The following CACNA1C variants were observed in gnomAD, a reference collection of about 807,000 sequenced individuals.
The protein encoded by CACNA1C is calcium voltage-gated channel subunit alpha1 C, also known as voltage-dependent L-type calcium channel subunit alpha-1C.
Under a neutral mutation model 229.0 loss-of-function variants are expected in CACNA1C, and 30 were observed. That is an observed-to-expected ratio of 0.13 (90% confidence interval 0.10 to 0.18). The LOEUF (loss-of-function observed/expected upper bound fraction) is 0.18, where lower values mean the gene tolerates loss of function less well. Ranked by LOEUF, CACNA1C falls within the 10% of genes least tolerant of loss-of-function variation. The pLI, the probability that CACNA1C is intolerant of heterozygous loss-of-function variation, is 1.00. For missense variants in CACNA1C, 1,658 were observed against 2,845.0 expected (o/e 0.58, Z 9.49); for synonymous variants, 1,114 against 1,132.5 (o/e 0.98, Z 0.33).
At chr12:2,236,319 A>C (rs142326473) in intron 3 of CACNA1C, among the ~76,000 whole-genome samples, 1 of 152,180 alleles carries the variant, frequency 6.6e-6, no homozygotes, top group South Asian at 2.1e-4. Context: ...TGGTCCACAC[A>C]TTGAGCAGCA....
chr12:2,128,623 G>A (rs1265647697), intron 3 of CACNA1C, among the ~76,000 whole-genome samples: 1 of 152,112 alleles, frequency 6.6e-6, no homozygotes, highest in Non-Finnish European at 1.5e-5. Flanking sequence ...GTGTTAGTCA[G>A]GATGGTCTCG....
chr12:2,445,104 C>G (rs1567718717), intron 3 of CACNA1C, among the ~76,000 whole-genome samples: 1 of 152,198 alleles, frequency 6.6e-6, no homozygotes, highest in African/African-American at 2.4e-5. Context: ...TCCATACTTC[C>G]CATCTTCTTA....
At chr12:2,253,799 A>G (rs951595965) in intron 3 of CACNA1C, among the ~76,000 whole-genome samples, 1 of 152,216 alleles carries the variant, frequency 6.6e-6, no homozygotes, top group African/African-American at 2.4e-5. Flanking sequence ...TATGCCTCTC[A>G]TGTTGCAATG....
intron 21 of CACNA1C, among the ~76,000 whole-genome samples, chr12:2,598,276 T>C (rs1416190182): frequency 6.6e-6 from 1 of 152,116 alleles, no homozygotes; most frequent in Non-Finnish European, 1.5e-5. Flanking sequence ...CTGGCCCAGC[T>C]CAGTTCTGCT....
chr12:2,589,055 T>C (rs1402450306), intron 18 of CACNA1C, among the ~76,000 whole-genome samples: 1 of 152,132 alleles, frequency 6.6e-6, no homozygotes, highest in African/African-American at 2.4e-5. Context: ...AGGAGTTTTT[T>C]CAGGATCGTA....
At position 2,337,427 on chromosome 12, in the gene CACNA1C, C is replaced by T. The variant is rs144413393; in HGVS notation, c.478-111549C>T. Among the ~76,000 whole-genome samples the T allele has an allele frequency of 6.4e-3, 968 of 152,310 alleles. 13 individuals carry two copies. The highest frequency in any genetic ancestry group is 0.021 in the African/African-American group (883 of 41,566). ...CCTGAGGGTCACAGTGCTCACCAGC[C>T]CTCCAGCCTCGCCACAGTGAAGATG... is the stretch of plus-strand genomic sequence containing the variant. On this transcript the variant is annotated intron_variant, in intron 3 of 46. Coordinates refer to ENST00000399655, the MANE Select transcript of CACNA1C (RefSeq NM_000719.7).
intron 1 of CACNA1C, among the ~76,000 whole-genome samples, chr12:2,090,434 C>T (rs2070275532): frequency 6.7e-6 from 1 of 149,608 alleles, no homozygotes; most frequent in Non-Finnish European, 1.5e-5. Flanking sequence ...TCTCCTGCCT[C>T]AGCCTCCTGA....
intron 3 of CACNA1C, among the ~76,000 whole-genome samples, chr12:2,388,820 A>G (rs1452720548): frequency 3.3e-5 from 5 of 152,180 alleles, no homozygotes; most frequent in Non-Finnish European, 7.3e-5. Flanking sequence ...ATCCAAGTGC[A>G]GTTGATCAGT....
intron 3 of CACNA1C, among the ~76,000 whole-genome samples, chr12:2,161,216 G>A (rs2095838588): frequency 6.6e-6 from 1 of 152,214 alleles, no homozygotes; most frequent in South Asian, 2.1e-4. Context: ...ATCAATAACA[G>A]CTTATGTGAT....
chr12:2,227,619 A>G (rs1354955518), intron 3 of CACNA1C, among the ~76,000 whole-genome samples: 3 of 152,232 alleles, frequency 2.0e-5, no homozygotes, highest in African/African-American at 7.2e-5. Context: ...CTTGCTAAGA[A>G]CTAGGCAGAA....
At chr12:2,466,151 A>G (rs915186882) in intron 5 of CACNA1C, among the ~76,000 whole-genome samples, 1 of 152,074 alleles carries the variant, frequency 6.6e-6, no homozygotes, top group Admixed American at 6.5e-5. Context: ...AGTTAATCAG[A>G]CCCACTGAGG....
chr12:2,268,125 G>A (rs2083151951), intron 3 of CACNA1C, among the ~76,000 whole-genome samples: 1 of 152,136 alleles, frequency 6.6e-6, no homozygotes, highest in South Asian at 2.1e-4. Context: ...TGTTTCCATT[G>A]TCAGCAAACC....
rs182725681 is a variant in CACNA1C at position 2,534,627 on chromosome 12, T to G, written c.1391-15316T>G. Among the ~76,000 whole-genome samples the G allele has an allele frequency of 3.7e-3, 562 of 152,342 alleles. 6 individuals carry two copies. The highest frequency in any genetic ancestry group is 0.012 in the African/African-American group (518 of 41,576). On this transcript the variant is annotated intron_variant, in intron 9 of 46. Coordinates refer to ENST00000399655, the MANE Select transcript of CACNA1C (RefSeq NM_000719.7). ...CCTGCAGCAAATGCTTATCCAGGCT[T>G]TGCCTGGAAACTTCTACTAATGAGC...
At chr12:2,603,940 G>A (rs551388400) in intron 22 of CACNA1C, among the ~76,000 whole-genome samples, 30 of 152,312 alleles carry the variant, frequency 2.0e-4, no homozygotes, top group African/African-American at 6.0e-4. Context: ...GACAAGAAGC[G>A]TAGGATCTAA....
At chr12:1,981,060 A>G (rs1459316712) in intron 1 of CACNA1C, among the ~76,000 whole-genome samples, 1 of 152,218 alleles carries the variant, frequency 6.6e-6, no homozygotes, top group Admixed American at 6.5e-5. Context: ...CCCACATTAC[A>G]TATCTCTTCC....
In CACNA1C at chr12:2,510,102, C is replaced by T. The variant is rs114626927; in HGVS notation, c.1218-2710C>T. On this transcript the variant is annotated intron_variant, in intron 8 of 46. Transcript: ENST00000399655. ...ACCACCCCTCATTTTTCATGTTGGCCATTGCTGGCGAGAGATGCAGTCCTG... is the reference window on the plus strand; with the variant it reads ...ACCACCCCTCATTTTTCATGTTGGCTATTGCTGGCGAGAGATGCAGTCCTG... 2.2e-3 allele frequency among the ~76,000 whole-genome samples: 333 copies of T among 152,278 alleles called. 1 individual carries two copies. The highest frequency in any genetic ancestry group is 7.8e-3 in the African/African-American group (325 of 41,548).
In CACNA1C at chr12:2,014,923, C is replaced by A. The variant is rs566212973; in HGVS notation, c.139+43722C>A. 3.3e-5 allele frequency among the ~76,000 whole-genome samples: 5 copies of A among 152,326 alleles called. No homozygotes were observed. In the East Asian group the frequency reaches 9.6e-4, roughly 29 times the overall value. ...CTCCCAAGAGCACTGGGAATGGGAGCAATCCCTTCCTGCTCACGGACTGGC... is the reference window on the plus strand; with the variant it reads ...CTCCCAAGAGCACTGGGAATGGGAGAAATCCCTTCCTGCTCACGGACTGGC... On this transcript the variant is annotated intron_variant, in intron 1 of 46. Coordinates refer to the CACNA1C transcript ENST00000682462.
chr12:2,393,823 G>A (rs1205638041), intron 3 of CACNA1C, among the ~76,000 whole-genome samples: 1 of 151,912 alleles, frequency 6.6e-6, no homozygotes, highest in Non-Finnish European at 1.5e-5. Context: ...GGGACACTGG[G>A]GATTGGTCGT....
intron 3 of CACNA1C, among the ~76,000 whole-genome samples, chr12:2,153,787 G>T (rs1423740102): frequency 6.6e-6 from 1 of 152,126 alleles, no homozygotes; most frequent in Non-Finnish European, 1.5e-5. Context: ...AGCAAATGGT[G>T]CCTGCCTTGT....
Sources: allele counts gnomAD v4.1 joint callset (sites outside exome capture counted in the v4.1 genomes callset), GRCh38; gene constraint gnomAD v4.1.1; transcripts MANE v1.5; gene names NCBI Gene and HGNC (gene_info 2026-07-23, HGNC 2026-07-21).